DNAH8: variants seen among roughly 807,000 people sequenced by gnomAD.
The protein encoded by DNAH8 is dynein axonemal heavy chain 8, also known as axonemal beta dynein heavy chain 8.
Under a neutral mutation model 562.1 loss-of-function variants are expected in DNAH8, and 382 were observed. That is an observed-to-expected ratio of 0.68 (90% CI 0.63 to 0.74). DNAH8 has a LOEUF of 0.74. DNAH8 is among the 30% of genes least tolerant of loss of function. The probability of loss-of-function intolerance (pLI) is 0.00; values close to 1 mark genes in which losing one functional copy is unlikely to be tolerated. For missense variants in DNAH8, 5,203 were observed against 5,620.4 expected, an observed-to-expected ratio of 0.93 and a Z score of 2.37; for synonymous variants, 1,881 against 1,919.4, an observed-to-expected ratio of 0.98 and a Z score of 0.52.
intron 4 of DNAH8, among the ~76,000 whole-genome samples, chr6:38,731,898 T>A (rs149341837): frequency 3.1e-4 from 47 of 152,260 alleles, no homozygotes; most frequent in African/African-American, 1.1e-3. Flanking sequence ...GTATTTTTAG[T>A]AGAGACAGGG....
At chr6:38,753,068 G>A (rs1765603927) in intron 9 of DNAH8, among the ~76,000 whole-genome samples, 1 of 151,892 alleles carries the variant, frequency 6.6e-6, no homozygotes, top group African/African-American at 2.4e-5. Context: ...AAGTTTTTCA[G>A]CTCACACCTC....
chr6:38,731,376 G>T (rs1311218032), intron 4 of DNAH8, among the ~76,000 whole-genome samples: 6 of 151,930 alleles, frequency 3.9e-5, no homozygotes, highest in Non-Finnish European at 7.3e-5. Flanking sequence ...TATAGTGGCT[G>T]TTTAATTTTG....
rs1186961172 is a variant in DNAH8 at position 38,890,746 on chromosome 6, G to A, written c.8568G>A (p.Leu2856=). ...IVNLVSVGRV[L]WQWTKVKMLP... is the part of the protein sequence containing the mutation. ...ATTTAGTCTCAGTGGGTAGAGTGCT[G>A]TGGCAATGGACTAAGGTACAGAATG... The change falls in exon 58 of 93, where the codon CTG becomes CTA. Residue 2856 remains leucine, a synonymous_variant. Coordinates refer to ENST00000327475, the MANE Select transcript of DNAH8 (RefSeq NM_001206927.2). The A allele has an allele frequency of 2.5e-6, 4 of 1,611,608 alleles. No homozygotes were observed. The East Asian group carries it at 6.7e-5, about 27-fold the overall frequency.
At chr6:38,837,890 A>T in intron 32 of DNAH8, 52 bp from the exon 33 acceptor site, 1 of 1,254,364 alleles carries the variant, frequency 8.0e-7, no homozygotes, top group Non-Finnish European at 1.1e-6. Context: ...ATTCCACTTT[A>T]ATTCTACTGA....
intron 58 of DNAH8, among the ~76,000 whole-genome samples, chr6:38,891,182 G>A (rs949710920): frequency 6.6e-6 from 1 of 152,190 alleles, no homozygotes; most frequent in East Asian, 1.9e-4. Flanking sequence ...TCTAACTTGT[G>A]TATTTCTCTG....
chr6:38,929,760 A>C, intron 75 of DNAH8, 94 bp downstream of exon 75: 394 of 1,107,316 alleles, frequency 3.6e-4, no homozygotes, highest in Middle Eastern at 8.7e-4. Flanking sequence ...GAAAAGAACA[A>C]TGGTGACATC....
rs77558631 is a variant in DNAH8, at chr6:38,723,552, GCAA to G, written c.525+94_525+96del. On this transcript the variant is annotated intron_variant, in intron 3 of 92. Transcript: ENST00000327475. ...TAAGAAAATAGAGTTGTCATAAACA[GCAA>G]CAACAACAACAAAAATCATTCAGAA... is the stretch of plus-strand genomic sequence containing the variant. 967,710 of 1,405,562 alleles carry G rather than the reference GCAA, an allele frequency of 0.69. 339,601 individuals carry two copies. The highest frequency in any genetic ancestry group is 0.99 in the East Asian group (42,489 of 42,754). The allele number at this position is 1,405,562 out of a possible 1,614,324, so 87.1% of individuals were successfully genotyped here.
chr6:38,756,818 G>T (rs941889408), intron 10 of DNAH8, among the ~76,000 whole-genome samples: 14 of 151,970 alleles, frequency 9.2e-5, no homozygotes, highest in Non-Finnish European at 1.6e-4. Context: ...ATGGTTTCCA[G>T]CTTCATCCAT....
intron 3 of DNAH8, among the ~76,000 whole-genome samples, chr6:38,726,381 G>A (rs1466179641): frequency 6.6e-6 from 1 of 152,192 alleles, no homozygotes; most frequent in African/African-American, 2.4e-5. Context: ...GGTATTCTCT[G>A]TTTGGAGGAA....
At chr6:38,724,551 G>A (rs1319256586) in intron 3 of DNAH8, among the ~76,000 whole-genome samples, 1 of 152,168 alleles carries the variant, frequency 6.6e-6, no homozygotes, top group Non-Finnish European at 1.5e-5. Context: ...TGCAGGTCAG[G>A]TTACTATATG....
intron 80 of DNAH8, among the ~76,000 whole-genome samples, chr6:38,948,013 G>C (rs780547550): frequency 8.5e-5 from 13 of 152,310 alleles, no homozygotes; most frequent in Non-Finnish European, 1.6e-4. Flanking sequence ...CTCCCAAAGT[G>C]CTGGGATTAC....
At chr6:38,776,946 C>G (rs895926310) in intron 13 of DNAH8, among the ~76,000 whole-genome samples, 2 of 152,176 alleles carry the variant, frequency 1.3e-5, no homozygotes, top group African/African-American at 2.4e-5. Flanking sequence ...ACTTTGTACA[C>G]TTTTTAAGTC....
intron 11 of DNAH8, among the ~76,000 whole-genome samples, chr6:38,765,324 TG>T (rs1029709209): frequency 5.3e-5 from 8 of 152,206 alleles, no homozygotes; most frequent in African/African-American, 1.9e-4. Flanking sequence ...CAATCTCATT[TG>T]TTTTTTTTGT....
chr6:38,787,011 G>GTATA (rs34300949), intron 18 of DNAH8, 59 bp downstream of exon 18: 9 of 821,768 alleles, frequency 1.1e-5, no homozygotes, highest in Admixed American at 3.4e-5. Context: ...AAAAAAATAT[G>GTATA]TATATATATA....
intron 52 of DNAH8, among the ~76,000 whole-genome samples, chr6:38,874,308 C>CCCTT (rs1561798727): frequency 1.6e-5 from 1 of 63,674 alleles, no homozygotes; most frequent in Non-Finnish European, 2.8e-5. Context: ...CCCCTCCCCT[C>CCCTT]CCCTTCCCTT....
At position 38,823,670 on chromosome 6, in the gene DNAH8, G is replaced by A. The variant is rs765550724; in HGVS notation, c.3829G>A (p.Ala1277Thr). The A allele has an allele frequency of 1.9e-6, 3 of 1,598,352 alleles. No homozygotes were observed. The highest frequency in any genetic ancestry group is 2.6e-6 in the Non-Finnish European group (3 of 1,167,652). ...GTTGAAGCCTATTATTGTTGTAGGA[G>A]CACTTGAATTACATACAGGTATTTT... ...DELKPIIVVGALELHTEPMKL... is the reference protein window; with the variant it reads ...DELKPIIVVGTLELHTEPMKL... The change falls in exon 28 of 93, where the codon GCA (alanine) becomes ACA (threonine). Residue 1277 changes from alanine (A) to threonine (T), a missense_variant. Physicochemically the swap from Ala to Thr is moderately conservative, Grantham distance 58. Coordinates refer to ENST00000327475, the MANE Select transcript of DNAH8 (RefSeq NM_001206927.2).
chr6:38,836,042 G>A (rs1774255313), intron 32 of DNAH8, among the ~76,000 whole-genome samples: 1 of 152,086 alleles, frequency 6.6e-6, no homozygotes, highest in Admixed American at 6.6e-5. Context: ...ATTTATTAAC[G>A]AAGCAGAATT....
rs560936004 is a variant in DNAH8 at position 39,030,357 on chromosome 6, C to G, written c.14089C>G (p.Leu4697Val). The G allele has an allele frequency of 6.8e-6, 11 of 1,614,068 alleles. No homozygotes were observed. Among genetic ancestry groups the G allele is most frequent in the Non-Finnish European group, 9.3e-6 (11 of 1,180,040 alleles). ...AGTGTTGTCCCCGGATCACTGGATC[C>G]TGAGAGGAGTGGCCCTTTTGTGTGA... ...RTVLSPDHWI[L>V]RGVALLCDIK The change falls in exon 93 of 93, where the codon CTG (leucine) becomes GTG (valine). Residue 4697 changes from leucine (L) to valine (V), a missense_variant. Around this residue, in one of 6 missense-constraint regions of DNAH8, gnomAD observed 1,399 missense variants for 1,518.4 expected, o/e 0.92. Transcript: ENST00000327475.
chr6:38,722,984 G>A lies in DNAH8; in HGVS notation c.175G>A (p.Val59Met), dbSNP rs754998330. 6.2e-7 allele frequency: 1 copy of A among 1,612,874 alleles called. No homozygotes were observed. Among genetic ancestry groups the A allele is most frequent in the Admixed American group, 1.7e-5 (1 of 60,022 alleles). ...PSAEDAVSSV[V>M]DYRDLIPSEE... ...CGCAGAAGATGCTGTTTCTTCTGTG[G>A]TGGATTATCGGGATCTCATTCCTTC... is the stretch of plus-strand genomic sequence containing the variant. The change falls in exon 2 of 93, where the codon GTG becomes ATG. Residue 59 changes from valine (V) to methionine (M), a missense_variant. Val to Met is a conservative substitution (Grantham distance 21). Around this residue, in one of 6 missense-constraint regions of DNAH8, gnomAD observed 556 missense variants for 496.9 expected, o/e 1.12. Coordinates refer to ENST00000327475, the MANE Select transcript of DNAH8 (RefSeq NM_001206927.2).
Sources: gnomAD v4.1 joint callset for allele counts (sites outside exome capture counted in the v4.1 genomes callset) on GRCh38, gnomAD v4.1.1 for gene constraint, gnomAD v4.1.1 regional missense constraint, MANE v1.5 for transcripts, NCBI Gene and HGNC (gene_info 2026-07-23, HGNC 2026-07-21) for gene names.